Variants in SP4 observed in about 807,000 individuals in gnomAD.
SP4 encodes Sp4 transcription factor, also known as transcription factor Sp4.
In SP4, 19 loss-of-function variants were observed where a neutral mutation model predicts 72.8. The observed-to-expected ratio is 0.26, with a 90% CI of 0.18 to 0.38. The LOEUF (loss-of-function observed/expected upper bound fraction) is 0.38. Among genes scored for constraint, SP4 ranks in the 10% least tolerant of loss-of-function variants. SP4 has a pLI of 1.00. For missense variants in SP4, 1,008 were observed against 926.3 expected, an observed-to-expected ratio of 1.09 and a Z score of -1.14; for synonymous variants, 395 against 333.1, an observed-to-expected ratio of 1.19 and a Z score of -2.02.
chr7:21,448,049 C>A (rs1421095788), intron 3 of SP4, among the ~76,000 whole-genome samples: 2 of 152,196 alleles, frequency 1.3e-5, no homozygotes, highest in East Asian at 3.9e-4. Flanking sequence ...TACAGAATGA[C>A]CCCCCGTGAA....
At chr7:21,442,697 T>C (rs1783299461) in intron 3 of SP4, among the ~76,000 whole-genome samples, 2 of 152,198 alleles carry the variant, frequency 1.3e-5, no homozygotes, top group African/African-American at 4.8e-5. Context: ...TCAGGTTATG[T>C]TGGATTTCAC....
At chr7:21,478,795 C>T (rs906213855) in intron 4 of SP4, among the ~76,000 whole-genome samples, 3 of 152,114 alleles carry the variant, frequency 2.0e-5, no homozygotes, top group East Asian at 1.9e-4. Context: ...CCTGGCTGGG[C>T]GCAGTGGCTC....
intron 3 of SP4, among the ~76,000 whole-genome samples, chr7:21,455,883 G>A (rs916202667): frequency 2.0e-5 from 3 of 152,058 alleles, no homozygotes; most frequent in Admixed American, 6.6e-5. Flanking sequence ...CCCATTTTCC[G>A]TGTTCTTTAA....
chr7:21,453,067 C>T (rs909356660), intron 3 of SP4, among the ~76,000 whole-genome samples: 4 of 152,116 alleles, frequency 2.6e-5, no homozygotes, highest in Admixed American at 2.0e-4. Context: ...TGTGAGCCAC[C>T]GTGCCCGACC....
chr7:21,509,750 AT>A lies in SP4; in HGVS notation c.2108-1264del, dbSNP rs531096216. On this transcript the variant is annotated intron_variant, in intron 5 of 5. Transcript: ENST00000222584. ...GACGTGGACCAACTTGAGCCTATAG[AT>A]TTTTTTTATTGGTAAGTCAAAAGCA... 3.2e-4 allele frequency among the ~76,000 whole-genome samples: 48 copies of A among 152,222 alleles called. No homozygotes were observed. In the East Asian group the frequency reaches 8.5e-3, roughly 27 times the overall value.
chr7:21,439,723 C>G (rs534217289), intron 3 of SP4, among the ~76,000 whole-genome samples: 1 of 152,052 alleles, frequency 6.6e-6, no homozygotes, highest in African/African-American at 2.4e-5. Context: ...GACTGTACCT[C>G]TACGAAAAAA....
chr7:21,447,900 G>A, intron 3 of SP4, among the ~76,000 whole-genome samples: 1 of 152,000 alleles, frequency 6.6e-6, no homozygotes, highest in East Asian at 1.9e-4. Context: ...GCTAGCCTGG[G>A]CTTGAATTCC....
At chr7:21,481,866 A>G (rs1321566993) in intron 4 of SP4, 58 bp from the exon 5 acceptor site, 11 of 1,188,404 alleles carry the variant, frequency 9.3e-6, no homozygotes, top group African/African-American at 4.6e-5. Flanking sequence ...TAATTTTTCT[A>G]TAATTGTAAA....
chr7:21,470,864 G>A (rs1180834125), intron 3 of SP4, among the ~76,000 whole-genome samples: 1 of 151,812 alleles, frequency 6.6e-6, no homozygotes, highest in Non-Finnish European at 1.5e-5. Flanking sequence ...ATAAAAGAAC[G>A]GCCATCCTCA....
At chr7:21,486,597 G>A (rs556328734) in intron 5 of SP4, among the ~76,000 whole-genome samples, 20 of 152,254 alleles carry the variant, frequency 1.3e-4, no homozygotes, top group African/African-American at 4.8e-4. Context: ...GAGTAAGATT[G>A]TGAATTGTCA....
chr7:21,487,756 ATGATGATGGTGG>A (rs894261065), intron 5 of SP4, among the ~76,000 whole-genome samples: 4 of 84,492 alleles, frequency 4.7e-5, no homozygotes, highest in South Asian at 4.3e-4. Flanking sequence ...GATGATGATG[ATGATGATGGTGG>A]TGGTGGTGGT....
intron 2 of SP4, 35 bp from the exon 3 acceptor site, chr7:21,429,254 C>T (rs1239242885): frequency 1.1e-5 from 10 of 933,478 alleles, no homozygotes; most frequent in African/African-American, 3.3e-5. Context: ...CTTTTTTTCC[C>T]CCCCCCCTCT....
chr7:21,459,913 G>A (rs1359676633), intron 3 of SP4, among the ~76,000 whole-genome samples: 1 of 152,172 alleles, frequency 6.6e-6, no homozygotes, highest in South Asian at 2.1e-4. Flanking sequence ...CAGTTGAGGA[G>A]ACAGAATATT....
At chr7:21,502,203 T>C (rs749161227) in intron 5 of SP4, among the ~76,000 whole-genome samples, 2 of 152,128 alleles carry the variant, frequency 1.3e-5, no homozygotes, top group Non-Finnish European at 2.9e-5. Flanking sequence ...CCCAGTCCAA[T>C]TGGACGGTAA....
At chr7:21,476,246 C>T (rs1784497029) in intron 3 of SP4, among the ~76,000 whole-genome samples, 2 of 138,780 alleles carry the variant, frequency 1.4e-5, no homozygotes, top group Non-Finnish European at 3.0e-5. Context: ...TGCACTCCAG[C>T]CTGGGCGACA....
chr7:21,468,826 C>T (rs1188750419), intron 3 of SP4, among the ~76,000 whole-genome samples: 1 of 152,092 alleles, frequency 6.6e-6, no homozygotes, highest in African/African-American at 2.4e-5. Context: ...TTAGAAACTA[C>T]AGTGAGATAT....
In SP4 at chr7:21,511,009, T is replaced by C. The variant is rs1004394169; in HGVS notation, c.2108-13T>C. 8 of 1,588,756 alleles carry C rather than the reference T, an allele frequency of 5.0e-6. No homozygotes were observed. In the African/African-American group the frequency reaches 8.1e-5, roughly 16 times the overall value. ...AAAATGTGTATAACGCCATTTACTG[T>C]TTTTCTATGTAGGTGAAAAGAGATT... On this transcript the variant is annotated splice_polypyrimidine_tract_variant and intron_variant, in intron 5 of 5. Transcript: ENST00000222584.
chr7:21,481,266 C>G (rs1043350523), intron 4 of SP4, among the ~76,000 whole-genome samples: 14 of 152,196 alleles, frequency 9.2e-5, no homozygotes, highest in African/African-American at 1.9e-4. Context: ...CCATACTCCT[C>G]TGACCGGGAG....
At chr7:21,468,681 G>T (rs1189987648) in intron 3 of SP4, among the ~76,000 whole-genome samples, 1 of 151,690 alleles carries the variant, frequency 6.6e-6, no homozygotes, top group Non-Finnish European at 1.5e-5. Flanking sequence ...TATATCTTTT[G>T]TAAATCATGA....
Sources: allele counts gnomAD v4.1 joint callset (sites outside exome capture counted in the v4.1 genomes callset), GRCh38; gene constraint gnomAD v4.1.1; transcripts MANE v1.5; gene names NCBI Gene and HGNC (gene_info 2026-07-23, HGNC 2026-07-21).